The following ADGRL2 variants were observed in gnomAD, a reference collection of about 807,000 sequenced individuals.
ADGRL2 encodes the protein adhesion G protein-coupled receptor L2.
In ADGRL2, 44 loss-of-function variants were observed where a neutral mutation model predicts 157.4. That is an observed-to-expected ratio of 0.28 (90% confidence interval 0.22 to 0.36). The LOEUF is 0.36. Among genes scored for constraint, ADGRL2 ranks in the 10% least tolerant of loss-of-function variants. ADGRL2 has a pLI of 1.00. For missense variants in ADGRL2, 1,510 were observed against 1,768.9 expected, an observed-to-expected ratio of 0.85 and a Z score of 2.63; for synonymous variants, 585 against 624.7, an observed-to-expected ratio of 0.94 and a Z score of 0.95.
intron 2 of ADGRL2, among the ~76,000 whole-genome samples, chr1:81,763,763 G>A (rs2085992237): frequency 7.0e-6 from 1 of 142,020 alleles, no homozygotes; most frequent in African/African-American, 2.6e-5. Flanking sequence ...GCTTACGCCT[G>A]TGGGAGACGG....
intron 1 of ADGRL2, among the ~76,000 whole-genome samples, chr1:81,736,736 G>A (rs753198187): frequency 3.3e-5 from 5 of 152,118 alleles, no homozygotes; most frequent in Non-Finnish European, 7.3e-5. Context: ...AAGTAGATGA[G>A]GAATGAGGAC....
chr1:81,985,767 G>T (rs575495216), intron 21 of ADGRL2, among the ~76,000 whole-genome samples: 2 of 151,990 alleles, frequency 1.3e-5, no homozygotes, highest in African/African-American at 4.8e-5. Flanking sequence ...GTCTACAGTG[G>T]CATCTTTAAA....
At chr1:81,536,658 G>T (rs550208073) in intron 2 of ADGRL2, among the ~76,000 whole-genome samples, 43 of 152,092 alleles carry the variant, frequency 2.8e-4, no homozygotes, top group South Asian at 8.3e-4. Flanking sequence ...GTTTTCCTTT[G>T]GTGGTTATTT....
At chr1:81,941,971 T>A (rs989993258) in intron 4 of ADGRL2, 63 bp from the exon 5 acceptor site, 2 of 729,062 alleles carry the variant, frequency 2.7e-6, no homozygotes, top group Admixed American at 1.9e-5. Context: ...TCAATTTATT[T>A]TAATCTTTTT....
At chr1:81,654,417 A>G (rs1025707927) in intron 3 of ADGRL2, among the ~76,000 whole-genome samples, 1 of 152,088 alleles carries the variant, frequency 6.6e-6, no homozygotes, top group Non-Finnish European at 1.5e-5. Context: ...CCCTTATTCA[A>G]GCCCATTTAA....
intron 1 of ADGRL2, among the ~76,000 whole-genome samples, chr1:81,411,757 G>T (rs1296360069): frequency 6.6e-6 from 1 of 151,858 alleles, no homozygotes; most frequent in Non-Finnish European, 1.5e-5. Flanking sequence ...GCGGGCGCCT[G>T]TAGTCCCAGC....
chr1:81,920,423 T>C (rs2094951226), intron 3 of ADGRL2, among the ~76,000 whole-genome samples: 1 of 152,132 alleles, frequency 6.6e-6, no homozygotes, highest in African/African-American at 2.4e-5. Context: ...AGGCACTGTT[T>C]CTCCCAGCTG....
At chr1:81,313,344 T>C (rs1424386354) in intron 1 of ADGRL2, among the ~76,000 whole-genome samples, 1 of 152,188 alleles carries the variant, frequency 6.6e-6, no homozygotes, top group Non-Finnish European at 1.5e-5. Context: ...GAAAGATGCT[T>C]CCTATGCTGG....
chr1:81,650,760 A>G (rs114768147), intron 3 of ADGRL2, among the ~76,000 whole-genome samples: 2,104 of 152,238 alleles, frequency 0.014, 54 homozygotes, highest in African/African-American at 0.047. Flanking sequence ...TTTTTTACTT[A>G]AAGACCTATT....
At chr1:81,723,033 T>C in intron 1 of ADGRL2, 1 of 766,586 alleles carries the variant, frequency 1.3e-6, no homozygotes, top group South Asian at 1.3e-5. Flanking sequence ...GTTATGAATC[T>C]TATCAGTAAA....
At chr1:81,639,036 A>G (rs945752173) in intron 3 of ADGRL2, among the ~76,000 whole-genome samples, 4 of 152,144 alleles carry the variant, frequency 2.6e-5, no homozygotes, top group Middle Eastern at 3.4e-3. Context: ...CCAAGACCCA[A>G]TTCTATGTCT....
intron 1 of ADGRL2, among the ~76,000 whole-genome samples, chr1:81,345,296 G>T (rs182842375): frequency 0.01 from 1,549 of 152,278 alleles, 34 homozygotes; most frequent in African/African-American, 0.035. Flanking sequence ...AGCCTAGGCT[G>T]CATTCTCTCT....
At chr1:81,529,667 T>C (rs1218348278) in intron 2 of ADGRL2, among the ~76,000 whole-genome samples, 1 of 152,224 alleles carries the variant, frequency 6.6e-6, no homozygotes, top group Non-Finnish European at 1.5e-5. Flanking sequence ...AATCTATAGA[T>C]GCGGACCCCA....
At chr1:81,787,862 G>A (rs1454893351) in intron 2 of ADGRL2, among the ~76,000 whole-genome samples, 1 of 151,980 alleles carries the variant, frequency 6.6e-6, no homozygotes, top group East Asian at 1.9e-4. Flanking sequence ...TTTGAACAAA[G>A]TAAAGCACTA....
At chr1:81,390,451 A>T (rs1486961532) in intron 1 of ADGRL2, among the ~76,000 whole-genome samples, 1 of 152,298 alleles carries the variant, frequency 6.6e-6, no homozygotes, top group Non-Finnish European at 1.5e-5. Context: ...ATATGGATAG[A>T]GAAAGAGATG....
At chr1:81,466,108 G>A (rs902276241) in intron 2 of ADGRL2, among the ~76,000 whole-genome samples, 3 of 152,190 alleles carry the variant, frequency 2.0e-5, no homozygotes, top group African/African-American at 4.8e-5. Flanking sequence ...CCAGAAGATA[G>A]AATGCTTCAG....
At chr1:81,542,804 A>T (rs1387786515) in intron 2 of ADGRL2, among the ~76,000 whole-genome samples, 1 of 152,192 alleles carries the variant, frequency 6.6e-6, no homozygotes, top group East Asian at 1.9e-4. Context: ...TAATGCAACA[A>T]TGGATTATTC....
intron 2 of ADGRL2, among the ~76,000 whole-genome samples, chr1:81,562,351 C>T (rs1037187164): frequency 6.6e-6 from 1 of 152,172 alleles, no homozygotes; most frequent in Non-Finnish European, 1.5e-5. Context: ...TATAAATCCA[C>T]ACCACCCACC....
chr1:81,601,151 A>C (rs1020211551), intron 3 of ADGRL2, among the ~76,000 whole-genome samples: 26 of 152,254 alleles, frequency 1.7e-4, no homozygotes, highest in African/African-American at 6.3e-4. Context: ...GACCAAAAAA[A>C]ATAAATCATT....
Sources: allele counts gnomAD v4.1 joint callset (sites outside exome capture counted in the v4.1 genomes callset), GRCh38; gene constraint gnomAD v4.1.1; transcripts MANE v1.5; gene names NCBI Gene and HGNC (gene_info 2026-07-23, HGNC 2026-07-21).